The following NDUFAB1 variants were observed in gnomAD, a reference collection of about 807,000 sequenced individuals.
NDUFAB1 encodes the protein acyl carrier protein, mitochondrial.
A neutral mutation model predicts 16.1 loss-of-function variants in NDUFAB1; 5 were observed. The ratio of observed to expected loss-of-function variants is 0.31; its 90% confidence interval spans 0.16 to 0.65. The LOEUF (loss-of-function observed/expected upper bound fraction) is 0.65. Ranked by LOEUF, NDUFAB1 falls within the 30% of genes least tolerant of loss-of-function variation. The pLI is 0.77. For missense variants in NDUFAB1, 187 were observed against 205.3 expected, an observed-to-expected ratio of 0.91 and a Z score of 0.54; for synonymous variants, 85 against 78.4, an observed-to-expected ratio of 1.08 and a Z score of -0.44.
At position 23,582,293 on chromosome 16, in the gene NDUFAB1, T is replaced by C. The variant is rs1597051382; in HGVS notation, c.462A>G (p.Val154=). ...IVDYIADKKD[V]YE is the part of the protein sequence containing the mutation. Reference sequence around the variant, plus strand: ...CTATTTACCTGATACTTTATTCATATACATCCTTCTTATCTGCAATGTAAT... The same window carrying C: ...CTATTTACCTGATACTTTATTCATACACATCCTTCTTATCTGCAATGTAAT... Residue 154 remains valine (V), a synonymous_variant, in exon 4 of 5, where the codon GTA becomes GTG. Transcript: ENST00000007516. The C allele has an allele frequency of 1.3e-6, 2 of 1,554,086 alleles. No individual in the cohort carries two copies. Among genetic ancestry groups the C allele is most frequent in the African/African-American group, 1.4e-5 (1 of 72,668 alleles).
chr16:23,594,362 G>C (rs1041893875), intron 1 of NDUFAB1, among the ~76,000 whole-genome samples: 1 of 151,792 alleles, frequency 6.6e-6, no homozygotes, highest in Non-Finnish European at 1.5e-5. Context: ...ATCTGGCACG[G>C]GCTGGCTGGC....
chr16:23,593,886 T>TGA (rs1966300020), intron 1 of NDUFAB1, among the ~76,000 whole-genome samples: 3 of 145,664 alleles, frequency 2.1e-5, no homozygotes, highest in Admixed American at 6.8e-5. Flanking sequence ...ATTTATTTAT[T>TGA]TATTTATTTA....
intron 1 of NDUFAB1, among the ~76,000 whole-genome samples, chr16:23,590,638 C>CTTTTT (rs398042088): frequency 7.6e-6 from 1 of 131,834 alleles, no homozygotes; most frequent in Non-Finnish European, 1.6e-5. Flanking sequence ...CCTCTGGTCT[C>CTTTTT]TTTTTTTTTT....
Position 23,596,139 on chromosome 16 carries a change from G to T in NDUFAB1, c.152C>A (p.Ala51Asp). The T allele has an allele frequency of 1.9e-6, 3 of 1,608,686 alleles. No homozygotes were observed. Among genetic ancestry groups the T allele is most frequent in the Non-Finnish European group, 1.7e-6 (2 of 1,178,000 alleles). ...TQTRLGTLQP[A>D]LVLAQVPGRV... ...ACGAGTCACCTGCGCGAGCACTAAG[G>T]CCGGCTGCAAAGTCCCGAGCCTCGT... Residue 51 changes from alanine to aspartate, a missense_variant, in exon 1 of 5, where the codon GCC becomes GAC. By Grantham distance (126) the Ala-to-Asp change is moderately radical (BLOSUM62 -2). Transcript: ENST00000007516.
In NDUFAB1 at chr16:23,590,202, GATTAA is replaced by G. The variant is rs1315376362; in HGVS notation, c.169-2888_169-2884del. ...TACAAGGGCCAGGTGGGCACCATGT[GATTAA>G]ATTAAACGAGTCTCTGACTGGAGGC... On this transcript the variant is annotated intron_variant, in intron 1 of 4. Coordinates refer to ENST00000007516, the MANE Select transcript of NDUFAB1 (RefSeq NM_005003.3). Among the ~76,000 whole-genome samples the G allele has an allele frequency of 3.3e-5, 5 of 152,232 alleles. No individual in the cohort carries two copies. In the South Asian group the frequency reaches 6.2e-4, roughly 19 times the overall value.
intron 1 of NDUFAB1, among the ~76,000 whole-genome samples, chr16:23,592,432 A>C (rs1406492290): frequency 6.6e-6 from 1 of 151,922 alleles, no homozygotes; most frequent in African/African-American, 2.4e-5. Context: ...CACAGATGAC[A>C]GGCTTGGAGG....
rs142556720 is a variant in NDUFAB1, at chr16:23,589,704, G to A, written c.169-2385C>T. On this transcript the variant is annotated intron_variant, in intron 1 of 4. Transcript: ENST00000007516. ...AATCCCAGCACTTTGGGAGGCCAAG[G>A]TGGGCGGATCTCTTGAGGTCAGGAG... Among the ~76,000 whole-genome samples, 1,091 of 151,932 alleles carry A rather than the reference G, an allele frequency of 7.2e-3. 16 individuals carry two copies. The highest frequency in any genetic ancestry group is 6.9e-3 in the Non-Finnish European group (472 of 67,956).
In NDUFAB1 at chr16:23,587,443, T is replaced by G. The variant is rs541626157; in HGVS notation, c.169-124A>C. 25 of 1,222,974 alleles carry G rather than the reference T, an allele frequency of 2.0e-5. No individual in the cohort carries two copies. The South Asian group carries it at 3.6e-4, about 18-fold the overall frequency. 75.8% of individuals were successfully genotyped at this position (1,222,974 alleles called of 1,614,324 possible). On this transcript the variant is annotated intron_variant, in intron 1 of 4. Transcript: ENST00000007516. ...TTAGAGAACCCACAGCATCTGATTC[T>G]CATTGTGGCCACCAGGACACACTAA...
intron 1 of NDUFAB1, among the ~76,000 whole-genome samples, chr16:23,593,263 C>T (rs1966295072): frequency 6.6e-6 from 1 of 152,222 alleles, no homozygotes; most frequent in Non-Finnish European, 1.5e-5. Flanking sequence ...CATGCCACTG[C>T]ACTCCAGCCT....
intron 1 of NDUFAB1, 60 bp downstream of exon 1, chr16:23,596,057 GCCCCCA>G (rs1260214689): frequency 6.5e-7 from 1 of 1,534,268 alleles, no homozygotes; most frequent in Admixed American, 2.1e-5. Context: ...CGGATGCCCG[GCCCCCA>G]CCCCCACCGG....
intron 1 of NDUFAB1, among the ~76,000 whole-genome samples, chr16:23,588,439 G>T (rs1966251766): frequency 6.6e-6 from 1 of 152,034 alleles, no homozygotes; most frequent in Non-Finnish European, 1.5e-5. Context: ...GGGCGACAAA[G>T]CAAGACTCCG....
chr16:23,592,576 C>A (rs1323294213), intron 1 of NDUFAB1, among the ~76,000 whole-genome samples: 1 of 152,204 alleles, frequency 6.6e-6, no homozygotes, highest in African/African-American at 2.4e-5. Context: ...GCGTACCATG[C>A]CCCATAGAAC....
intron 1 of NDUFAB1, among the ~76,000 whole-genome samples, chr16:23,589,229 G>A (rs1303776622): frequency 4.0e-5 from 6 of 151,768 alleles, no homozygotes; most frequent in Non-Finnish European, 7.4e-5. Flanking sequence ...TTGGGAGTCG[G>A]AGGTTGCAGT....
chr16:23,587,257 C>G lies in NDUFAB1; in HGVS notation c.231G>C (p.Glu77Asp). The G allele has an allele frequency of 3.7e-6, 6 of 1,614,060 alleles. No individual in the cohort carries two copies. Among genetic ancestry groups the G allele is most frequent in the Non-Finnish European group, 5.1e-6 (6 of 1,179,966 alleles). Residue 77 changes from glutamate to aspartate, a missense_variant, in exon 2 of 5, where the codon GAG becomes GAC. This residue lies in a region of NDUFAB1 where 135 missense variants were observed against 129.4 expected (regional missense o/e 1.04). Transcript: ENST00000007516. ...QYSDMPPLTL[E>D]GIQDRVLYVL... ...CGTAAAGAACACGGTCCTGGATGCC[C>G]TCTAACGTCAAAGGAGGCATGTCGC...
intron 1 of NDUFAB1, among the ~76,000 whole-genome samples, chr16:23,594,676 C>T (rs1567410169): frequency 6.6e-6 from 1 of 151,338 alleles, no homozygotes; most frequent in Non-Finnish European, 1.5e-5. Context: ...TTTGTAGAGA[C>T]GGGGTTCCAC....
intron 3 of NDUFAB1, 66 bp downstream of exon 3, chr16:23,585,270 C>G: frequency 8.5e-7 from 1 of 1,171,840 alleles, no homozygotes. Context: ...AGACGCCCAC[C>G]ACTTCTTTCA....
intron 1 of NDUFAB1, among the ~76,000 whole-genome samples, chr16:23,593,051 T>G (rs1390529288): frequency 6.6e-6 from 1 of 152,138 alleles, no homozygotes; most frequent in Non-Finnish European, 1.5e-5. Flanking sequence ...ATCCCAGCAC[T>G]TGGGAGGCTG....
At chr16:23,585,268 A>C (rs1253605432) in intron 3 of NDUFAB1, 68 bp downstream of exon 3, 2 of 1,164,752 alleles carry the variant, frequency 1.7e-6, no homozygotes, top group African/African-American at 3.1e-5. Context: ...TCAGACGCCC[A>C]CCACTTCTTT....
Position 23,581,713 on chromosome 16 carries a change from C to T in NDUFAB1, c.*9-540G>A, listed in dbSNP as rs183529878. On this transcript the variant is annotated intron_variant, in intron 4 of 4. Transcript: ENST00000007516. Reference sequence around the variant, plus strand: ...ATCATTATATCAAGTGATATATATACTCTCTTCAATTTTGCTTTCACAAAA... The same window carrying T: ...ATCATTATATCAAGTGATATATATATTCTCTTCAATTTTGCTTTCACAAAA... 9.8e-3 allele frequency among the ~76,000 whole-genome samples: 1,394 copies of T among 142,160 alleles called. 22 individuals carry two copies. The highest frequency in any genetic ancestry group is 0.041 in the African/African-American group (1,324 of 32,112). The allele number at this position is 142,160 out of a possible 152,430, so 93.3% of individuals were successfully genotyped here.
Sources: gnomAD v4.1 joint callset for allele counts (sites outside exome capture counted in the v4.1 genomes callset) on GRCh38, gnomAD v4.1.1 for gene constraint, gnomAD v4.1.1 regional missense constraint, MANE v1.5 for transcripts, NCBI Gene and HGNC (gene_info 2026-07-23, HGNC 2026-07-21) for gene names.